NME9: variants seen among roughly 807,000 people sequenced by gnomAD.
NME9 encodes the protein thioredoxin domain-containing protein 6.
NME9 carries 48 observed loss-of-function variants against 44.4 expected under a neutral mutation model. That is an observed-to-expected ratio of 1.08 (90% CI 0.86 to 1.37). The LOEUF (loss-of-function observed/expected upper bound fraction) is 1.37. Ranked by LOEUF, NME9 falls within the 40% of genes most tolerant of loss-of-function variation. The probability of loss-of-function intolerance (pLI) is 0.00; values close to 1 mark genes in which losing one functional copy is unlikely to be tolerated. For missense variants in NME9, 325 were observed against 405.2 expected (o/e 0.80, Z 1.70); for synonymous variants, 139 against 147.1 (o/e 0.94, Z 0.40).
exon 9 of NME9, chr3:138,261,573 G>A (rs978481511): frequency 1.3e-5 from 2 of 152,148 alleles, no homozygotes; most frequent in Non-Finnish European, 2.9e-5. Context: ...TCACAGTATT[G>A]TTATATATAA....
intron 8 of NME9, among the ~76,000 whole-genome samples, chr3:138,295,195 G>A (rs887219549): frequency 3.9e-5 from 6 of 152,042 alleles, no homozygotes; most frequent in Non-Finnish European, 7.4e-5. Flanking sequence ...CACAGCACCC[G>A]GCCTACATTC....
rs2052806514 is a variant in NME9 at position 138,313,012 on chromosome 3, C to A, written c.460+1320G>T. Among the ~76,000 whole-genome samples, 4 of 152,192 alleles carry A rather than the reference C, an allele frequency of 2.6e-5. No homozygotes were observed. In the South Asian group the frequency reaches 8.3e-4, roughly 32 times the overall value. ...CCAGTGGGTATATGAAAAAGGTGCT[C>A]AATATCACTAATCATCAGGGAAATG... On this transcript the variant is annotated intron_variant, in intron 6 of 10. Transcript: ENST00000333911.
At chr3:138,288,949 T>G in intron 8 of NME9, 2 of 955,926 alleles carry the variant, frequency 2.1e-6, no homozygotes, top group Non-Finnish European at 3.2e-6. Context: ...GCTTCAGACT[T>G]TTAGGTTATA....
chr3:138,309,448 G>A (rs2052534365), intron 6 of NME9, among the ~76,000 whole-genome samples: 1 of 152,226 alleles, frequency 6.6e-6, no homozygotes, highest in African/African-American at 2.4e-5. Context: ...ATTTTGGGAG[G>A]CCAAGGCAAG....
At chr3:138,287,704 T>C in intron 8 of NME9, 1 of 456,696 alleles carries the variant, frequency 2.2e-6, no homozygotes, top group Non-Finnish European at 4.4e-6. Context: ...CATAGAATTC[T>C]ACTGGAGGAA....
At chr3:138,291,533 C>T (rs2050952817) in intron 8 of NME9, among the ~76,000 whole-genome samples, 1 of 152,104 alleles carries the variant, frequency 6.6e-6, no homozygotes, top group Non-Finnish European at 1.5e-5. Flanking sequence ...AAGTCTTTGC[C>T]CTCGTGTAAC....
chr3:138,273,652 C>T (rs949238705), intron 8 of NME9, among the ~76,000 whole-genome samples: 4 of 152,168 alleles, frequency 2.6e-5, no homozygotes, highest in Non-Finnish European at 5.9e-5. Flanking sequence ...CCCCAAGAAA[C>T]AATGCAAGTG....
intron 8 of NME9, among the ~76,000 whole-genome samples, chr3:138,273,550 T>G (rs1218372068): frequency 6.6e-6 from 1 of 152,166 alleles, no homozygotes; most frequent in Non-Finnish European, 1.5e-5. Flanking sequence ...GATTGACCTC[T>G]GAAGATGCCA....
chr3:138,283,824 C>G (rs2050152922), intron 8 of NME9, among the ~76,000 whole-genome samples: 1 of 152,188 alleles, frequency 6.6e-6, no homozygotes, highest in African/African-American at 2.4e-5. Flanking sequence ...ATTAGACCAG[C>G]CTGGACTAAG....
chr3:138,303,239 G>A (rs1043594096), intron 10 of NME9: 1 of 340,302 alleles, frequency 2.9e-6, no homozygotes, highest in Admixed American at 4.1e-5. Flanking sequence ...TGCAAATAAA[G>A]TACTTTTTGT....
intron 1 of NME9, among the ~76,000 whole-genome samples, chr3:138,328,765 GAAGTAAGACACTCTATATA>G (rs1241925334): frequency 1.3e-5 from 2 of 152,164 alleles, no homozygotes; most frequent in Non-Finnish European, 2.9e-5. Context: ...ACATGCAAAT[GAAGTAAGACACTCTATATA>G]ACATATGTCC....
intron 10 of NME9, among the ~76,000 whole-genome samples, chr3:138,302,296 T>C (rs1203468731): frequency 6.6e-6 from 1 of 152,128 alleles, no homozygotes; most frequent in Non-Finnish European, 1.5e-5. Flanking sequence ...AGATAGCCCC[T>C]TTTCTTATCA....
rs2053013552 is a variant in NME9, at chr3:138,315,552, A to G, written c.359T>C (p.Leu120Pro). ...LDQLEAEKKV[L>P]AEGRERKVIK... ...CACTTTCCGTTCTCTGCCTTCAGCC[A>G]GCACTTTCTTTTCGGCCTCCAGCTG... Residue 120 changes from leucine to proline, a missense_variant, in exon 5 of 11, where the codon CTG becomes CCG. By Grantham distance (98) the Leu-to-Pro change is moderately conservative (BLOSUM62 -3). Transcript: ENST00000333911. The G allele has an allele frequency of 3.9e-6, 6 of 1,536,500 alleles. No individual in the cohort carries two copies. The Admixed American group carries it at 5.9e-5, about 15-fold the overall frequency.
At chr3:138,313,260 G>A (rs982136831) in intron 6 of NME9, among the ~76,000 whole-genome samples, 5 of 152,004 alleles carry the variant, frequency 3.3e-5, no homozygotes, top group African/African-American at 9.7e-5. Context: ...GTGTGGTGGC[G>A]GGTGCTTGTA....
intron 8 of NME9, chr3:138,262,727 A>G: frequency 2.3e-6 from 2 of 866,162 alleles, no homozygotes; most frequent in Non-Finnish European, 3.3e-6. Context: ...AAGGACAACC[A>G]AGGTTAAGAT....
At chr3:138,313,792 G>GAAAT (rs1409388718) in intron 6 of NME9, among the ~76,000 whole-genome samples, 12 of 152,164 alleles carry the variant, frequency 7.9e-5, no homozygotes, top group Admixed American at 6.5e-4. Flanking sequence ...TATGTTAAGT[G>GAAAT]AAATAAGCCC....
chr3:138,269,824 T>C lies in NME9; in HGVS notation c.746-7238A>G, dbSNP rs561628998. Among the ~76,000 whole-genome samples, 243 of 150,422 alleles carry C rather than the reference T, an allele frequency of 1.6e-3. 1 individual carries two copies. The highest frequency in any genetic ancestry group is 5.2e-3 in the African/African-American group (213 of 41,200). ...TGGTTTGGTTTTGTTTTCTTTCTTT[T>C]TTTTTTTTTTTTTTGGCTTTTCGGA... is the stretch of plus-strand genomic sequence containing the variant. On this transcript the variant is annotated intron_variant, in intron 8 of 8. Coordinates refer to the NME9 transcript ENST00000317876.
chr3:138,287,786 T>C, intron 8 of NME9: 1 of 405,264 alleles, frequency 2.5e-6, no homozygotes, highest in Non-Finnish European at 5.0e-6. Context: ...TGTCTTAGCC[T>C]TGAAAAAACC....
intron 8 of NME9, among the ~76,000 whole-genome samples, chr3:138,265,264 C>T (rs992345074): frequency 6.6e-6 from 1 of 151,814 alleles, no homozygotes; most frequent in Admixed American, 6.6e-5. Context: ...TTGTCCCCCC[C>T]AAAAAAGGTT....
Sources: allele counts gnomAD v4.1 joint callset (sites outside exome capture counted in the v4.1 genomes callset), GRCh38; gene constraint gnomAD v4.1.1; transcripts MANE v1.5; gene names NCBI Gene and HGNC (gene_info 2026-07-23, HGNC 2026-07-21).